The following ATG10 variants were observed in gnomAD, a reference collection of about 807,000 sequenced individuals.
The protein encoded by ATG10 is autophagy related 10.
A neutral mutation model predicts 32.1 loss-of-function variants in ATG10; 30 were observed. The ratio of observed to expected loss-of-function variants is 0.94; its 90% CI spans 0.70 to 1.27. ATG10 has a LOEUF of 1.27. Ranked by LOEUF, ATG10 falls within the 50% of genes most tolerant of loss-of-function variation. The pLI is 0.00. For synonymous variants in ATG10, 87 were observed against 91.5 expected (o/e 0.95, Z 0.28); for missense variants, 233 against 262.3 (o/e 0.89, Z 0.77).
chr5:82,206,409 A>C (rs1485076488), intron 5 of ATG10, among the ~76,000 whole-genome samples: 1 of 152,114 alleles, frequency 6.6e-6, no homozygotes, highest in Admixed American at 6.6e-5. Flanking sequence ...GCAATTTGGG[A>C]GGCTGAGGCG....
intron 2 of ATG10, among the ~76,000 whole-genome samples, chr5:82,015,511 A>C (rs1298003609): frequency 1.3e-5 from 2 of 152,162 alleles, no homozygotes; most frequent in African/African-American, 4.8e-5. Flanking sequence ...TATTTCTTGG[A>C]GGCTTTGTTC....
intron 5 of ATG10, among the ~76,000 whole-genome samples, chr5:82,180,241 A>G (rs1442912613): frequency 1.3e-5 from 2 of 152,108 alleles, no homozygotes; most frequent in African/African-American, 2.4e-5. Flanking sequence ...CTCTTGCCAA[A>G]TATGGTTATT....
intron 2 of ATG10, among the ~76,000 whole-genome samples, chr5:82,018,469 G>A (rs1261957239): frequency 6.6e-6 from 1 of 152,138 alleles, no homozygotes; most frequent in African/African-American, 2.4e-5. Context: ...AAGTCAGATT[G>A]TGTCACTTCT....
chr5:82,198,237 G>C (rs906484323), intron 5 of ATG10, among the ~76,000 whole-genome samples: 6 of 152,218 alleles, frequency 3.9e-5, no homozygotes, highest in African/African-American at 1.4e-4. Context: ...AAGTGAGGTA[G>C]AAGGTGAGCA....
intron 6 of ATG10, 37 bp downstream of exon 6, chr5:82,252,696 T>A: frequency 2.4e-6 from 3 of 1,248,664 alleles, no homozygotes; most frequent in South Asian, 2.7e-5. Context: ...GCTTCTACTC[T>A]GATTTTAAAA....
chr5:81,993,360 C>CTTTCTTTCCTTCTTTCTTTCT, intron 2 of ATG10, among the ~76,000 whole-genome samples: 2 of 46,772 alleles, frequency 4.3e-5, no homozygotes, highest in Non-Finnish European at 8.1e-5. Flanking sequence ...TCTTTCTTTC[C>CTTTCTTTCCTTCTTTCTTTCT]TTCTTTTCTT....
intron 3 of ATG10, among the ~76,000 whole-genome samples, chr5:82,111,211 T>G (rs1483531792): frequency 6.6e-6 from 1 of 152,054 alleles, no homozygotes; most frequent in Non-Finnish European, 1.5e-5. Context: ...GTTTTAATTC[T>G]AATTCTATAT....
intron 2 of ATG10, among the ~76,000 whole-genome samples, chr5:82,051,566 A>C (rs996536073): frequency 6.6e-6 from 1 of 152,184 alleles, no homozygotes; most frequent in Non-Finnish European, 1.5e-5. Flanking sequence ...AATCACTTTG[A>C]CTAGAGCTGG....
intron 5 of ATG10, among the ~76,000 whole-genome samples, chr5:82,189,708 C>G (rs1354740259): frequency 6.6e-6 from 1 of 152,134 alleles, no homozygotes; most frequent in Non-Finnish European, 1.5e-5. Context: ...ACTGTAACCT[C>G]CGCCTTCTGG....
chr5:82,165,167 C>T (rs1743525844), intron 4 of ATG10, among the ~76,000 whole-genome samples: 3 of 152,184 alleles, frequency 2.0e-5, no homozygotes, highest in African/African-American at 4.8e-5. Flanking sequence ...GCAGCACAGC[C>T]ATGGCTTCCC....
chr5:82,018,378 C>T (rs559539874), intron 2 of ATG10, among the ~76,000 whole-genome samples: 3 of 152,300 alleles, frequency 2.0e-5, no homozygotes, highest in East Asian at 1.9e-4. Context: ...TATAAACTAT[C>T]GTCAACTCTT....
intron 3 of ATG10, among the ~76,000 whole-genome samples, chr5:82,115,468 G>A (rs1041131625): frequency 1.3e-5 from 2 of 151,964 alleles, no homozygotes; most frequent in African/African-American, 4.8e-5. Context: ...TTATACTTTT[G>A]TATGTGATTG....
chr5:82,177,615 G>T (rs1302667529), intron 4 of ATG10, among the ~76,000 whole-genome samples: 1 of 151,868 alleles, frequency 6.6e-6, no homozygotes, highest in African/African-American at 2.4e-5. Flanking sequence ...AAATCTTTAG[G>T]TGACTTCTTC....
intron 2 of ATG10, among the ~76,000 whole-genome samples, chr5:82,039,125 C>A (rs1265793959): frequency 6.6e-6 from 1 of 152,198 alleles, no homozygotes; most frequent in Non-Finnish European, 1.5e-5. Flanking sequence ...GGATTACAGG[C>A]ATGAGCCACC....
chr5:81,997,399 TA>T (rs1263952068), intron 2 of ATG10, among the ~76,000 whole-genome samples: 2 of 152,132 alleles, frequency 1.3e-5, no homozygotes, highest in African/African-American at 4.8e-5. Flanking sequence ...CTTGGCCCCC[TA>T]AAATCTTCCA....
At position 81,972,027 on chromosome 5, in the gene ATG10, T is replaced by C. The variant is rs1009605939; in HGVS notation, c.-292T>C. 2 of 152,130 alleles carry C rather than the reference T, an allele frequency of 1.3e-5. No individual in the cohort carries two copies. Among genetic ancestry groups the C allele is most frequent in the Non-Finnish European group, 2.9e-5 (2 of 68,046 alleles). 9.4% of individuals were successfully genotyped at this position (152,130 alleles called of 1,614,324 possible). ...GCCCCCACGGCGCGGGAAGGCGCAGTGCGCACGCTCCGACTCGGCCGTGGC... is the reference window on the plus strand; with the variant it reads ...GCCCCCACGGCGCGGGAAGGCGCAGCGCGCACGCTCCGACTCGGCCGTGGC... On this transcript the variant is annotated 5_prime_UTR_variant, in exon 1 of 8. Transcript: ENST00000282185.
chr5:82,242,536 G>C (rs1746845372), intron 5 of ATG10, among the ~76,000 whole-genome samples: 1 of 152,064 alleles, frequency 6.6e-6, no homozygotes, highest in Non-Finnish European at 1.5e-5. Flanking sequence ...GAATCCCCCA[G>C]TGAAAAATGA....
chr5:81,992,038 T>C (rs965869729), intron 2 of ATG10: 1 of 152,100 alleles, frequency 6.6e-6, no homozygotes, highest in Non-Finnish European at 1.5e-5. Context: ...TTGTCCAGAC[T>C]GGGGTGCAAT....
At chr5:82,180,394 A>C (rs543603915) in intron 5 of ATG10, among the ~76,000 whole-genome samples, 5 of 152,258 alleles carry the variant, frequency 3.3e-5, no homozygotes, top group African/African-American at 1.2e-4. Context: ...AACTCACAAA[A>C]ATTGCCCCTC....
Sources: allele counts gnomAD v4.1 joint callset (sites outside exome capture counted in the v4.1 genomes callset), GRCh38; gene constraint gnomAD v4.1.1; transcripts MANE v1.5; gene names NCBI Gene and HGNC (gene_info 2026-07-23, HGNC 2026-07-21).